Variants in NEGR1 observed in about 807,000 individuals in gnomAD.
NEGR1 encodes the protein IgLON family member 4.
NEGR1 carries 10 observed loss-of-function variants against 40.9 expected under a neutral mutation model. The ratio of observed to expected loss-of-function variants is 0.24; its 90% confidence interval spans 0.15 to 0.42. The LOEUF (loss-of-function observed/expected upper bound fraction) is 0.42, where lower values mean the gene tolerates loss of function less well. NEGR1 is among the 10% of genes least tolerant of loss of function. NEGR1 has a pLI of 1.00. For missense variants in NEGR1, 352 were observed against 438.9 expected, an observed-to-expected ratio of 0.80 and a Z score of 1.77; for synonymous variants, 185 against 166.8, an observed-to-expected ratio of 1.11 and a Z score of -0.84.
At chr1:72,163,681 A>G (rs1180526716) in intron 1 of NEGR1, among the ~76,000 whole-genome samples, 1 of 151,968 alleles carries the variant, frequency 6.6e-6, no homozygotes. Flanking sequence ...AACAATGTCA[A>G]GGCAAATAAT....
At position 71,998,732 on chromosome 1, in the gene NEGR1, C is replaced by T. The variant is rs978993255; in HGVS notation, c.177-63421G>A. ...ATAAATATATTCATATATATTAATT[C>T]TTTTATACATAAGTATATAGTAAAT... On this transcript the variant is annotated intron_variant, in intron 1 of 6. Coordinates refer to ENST00000357731, the MANE Select transcript of NEGR1 (RefSeq NM_173808.3). Among the ~76,000 whole-genome samples the T allele has an allele frequency of 4.6e-5, 7 of 151,132 alleles. No homozygotes were observed. The East Asian group carries it at 1.4e-3, about 29-fold the overall frequency.
intron 6 of NEGR1, among the ~76,000 whole-genome samples, chr1:71,417,182 C>G (rs1646361585): frequency 6.6e-6 from 1 of 152,172 alleles, no homozygotes; most frequent in Non-Finnish European, 1.5e-5. Context: ...CTTTATCACT[C>G]TCATGTGCAT....
At chr1:72,004,617 T>C (rs573652862) in intron 1 of NEGR1, among the ~76,000 whole-genome samples, 73 of 152,272 alleles carry the variant, frequency 4.8e-4, no homozygotes, top group Non-Finnish European at 8.7e-4. Context: ...AAAGTCTACA[T>C]AATAAAATTA....
intron 3 of NEGR1, among the ~76,000 whole-genome samples, chr1:71,734,359 T>C (rs1415964872): frequency 6.6e-6 from 1 of 152,194 alleles, no homozygotes. Context: ...TCAGTCTCCT[T>C]ATCTGTGAAA....
chr1:71,452,601 A>G (rs74089359), intron 6 of NEGR1, among the ~76,000 whole-genome samples: 5,272 of 152,246 alleles, frequency 0.035, 320 homozygotes, highest in African/African-American at 0.12. Flanking sequence ...TGTCTCCTTG[A>G]TAGTGATTTG....
At chr1:72,192,258 A>C (rs1244468452) in intron 1 of NEGR1, among the ~76,000 whole-genome samples, 1 of 151,826 alleles carries the variant, frequency 6.6e-6, no homozygotes, top group African/African-American at 2.4e-5. Flanking sequence ...AATGAATTGC[A>C]GCAGTGCTAC....
intron 1 of NEGR1, among the ~76,000 whole-genome samples, chr1:71,939,428 G>C (rs1645939676): frequency 6.6e-6 from 1 of 152,066 alleles, no homozygotes; most frequent in Admixed American, 6.6e-5. Context: ...GTGTTGAGTG[G>C]ATAAATGAAG....
chr1:72,119,424 G>T (rs953817136), intron 1 of NEGR1, among the ~76,000 whole-genome samples: 3 of 151,784 alleles, frequency 2.0e-5, no homozygotes, highest in African/African-American at 7.3e-5. Context: ...ATTATATTTA[G>T]CACACATTTA....
intron 2 of NEGR1, among the ~76,000 whole-genome samples, chr1:71,887,574 A>G (rs1660759954): frequency 2.0e-5 from 3 of 152,196 alleles, no homozygotes; most frequent in Admixed American, 2.0e-4. Flanking sequence ...TGCAATACGT[A>G]TAATGTGCAG....
At chr1:71,449,886 AT>A (rs1484507682) in intron 6 of NEGR1, among the ~76,000 whole-genome samples, 1 of 152,028 alleles carries the variant, frequency 6.6e-6, no homozygotes, top group African/African-American at 2.4e-5. Flanking sequence ...TTTTCTTGGT[AT>A]TCTCATTGAG....
At position 72,049,276 on chromosome 1, in the gene NEGR1, G is replaced by A. The variant is rs74329220; in HGVS notation, c.177-113965C>T. Reference sequence around the variant, plus strand: ...GTATTCATTGAGCCTAGGAGTCCAAGCTTTCAGTGAGCTATTCACTACTGC... The same window carrying A: ...GTATTCATTGAGCCTAGGAGTCCAAACTTTCAGTGAGCTATTCACTACTGC... On this transcript the variant is annotated intron_variant, in intron 1 of 6. Transcript: ENST00000357731. 5.8e-3 allele frequency among the ~76,000 whole-genome samples: 877 copies of A among 151,742 alleles called. 4 individuals are homozygous for A. The highest frequency in any genetic ancestry group is 0.02 in the African/African-American group (840 of 41,464).
chr1:71,898,964 C>CAT (rs56183950), intron 2 of NEGR1, among the ~76,000 whole-genome samples: 17,231 of 94,632 alleles, frequency 0.18, 2,021 homozygotes, highest in South Asian at 0.23. Flanking sequence ...ATATATATAG[C>CAT]ATATATATAT....
At chr1:71,617,704 C>A (rs980061460) in intron 4 of NEGR1, among the ~76,000 whole-genome samples, 2 of 152,084 alleles carry the variant, frequency 1.3e-5, no homozygotes, top group Non-Finnish European at 2.9e-5. Flanking sequence ...AATCATTTTC[C>A]AGAATGTGAT....
intron 1 of NEGR1, among the ~76,000 whole-genome samples, chr1:72,006,696 G>C (rs2100392631): frequency 6.6e-6 from 1 of 151,772 alleles, no homozygotes; most frequent in African/African-American, 2.4e-5. Context: ...AAGAATACCA[G>C]CAAACTAAAT....
At chr1:71,982,182 C>T (rs971508463) in intron 1 of NEGR1, among the ~76,000 whole-genome samples, 9 of 152,172 alleles carry the variant, frequency 5.9e-5, no homozygotes, top group Non-Finnish European at 1.2e-4. Flanking sequence ...CTCTTTTTTT[C>T]AGACTTTACA....
chr1:72,085,968 CAAAAAAAAAAAA>C (rs36028456), intron 1 of NEGR1, among the ~76,000 whole-genome samples: 1 of 63,058 alleles, frequency 1.6e-5, no homozygotes, highest in African/African-American at 5.6e-5. Context: ...GACTCTGTCT[CAAAAAAAAAAAA>C]AAAAAAAAAA....
At chr1:72,260,208 A>T (rs1279418087) in intron 1 of NEGR1, among the ~76,000 whole-genome samples, 1 of 152,032 alleles carries the variant, frequency 6.6e-6, no homozygotes, top group African/African-American at 2.4e-5. Context: ...CTGACTTTGA[A>T]ATCTGTGAAC....
intron 3 of NEGR1, among the ~76,000 whole-genome samples, chr1:71,745,250 G>A (rs535506705): frequency 6.6e-6 from 1 of 152,124 alleles, no homozygotes; most frequent in African/African-American, 2.4e-5. Flanking sequence ...CTATAAACCA[G>A]GAAAAGCTGT....
intron 1 of NEGR1, among the ~76,000 whole-genome samples, chr1:72,123,763 A>G (rs1649898247): frequency 6.6e-6 from 1 of 152,018 alleles, no homozygotes; most frequent in South Asian, 2.1e-4. Flanking sequence ...AATTGATTTA[A>G]AAGATGGAAT....
Sources: allele counts gnomAD v4.1 joint callset (sites outside exome capture counted in the v4.1 genomes callset), GRCh38; gene constraint gnomAD v4.1.1; transcripts MANE v1.5; gene names NCBI Gene and HGNC (gene_info 2026-07-23, HGNC 2026-07-21).